Variants in CRYBG1 observed in about 807,000 individuals in gnomAD.
The protein encoded by CRYBG1 is beta/gamma crystallin domain-containing protein 1.
Under a neutral mutation model 189.2 loss-of-function variants are expected in CRYBG1, and 139 were observed. That is an observed-to-expected ratio of 0.73 (90% CI 0.64 to 0.85). The LOEUF (loss-of-function observed/expected upper bound fraction) is 0.85. Among genes scored for constraint, CRYBG1 ranks in the 40% least tolerant of loss-of-function variants. The probability of loss-of-function intolerance (pLI) is 0.00; values close to 1 mark genes in which losing one functional copy is unlikely to be tolerated. For synonymous variants in CRYBG1, 1,023 were observed against 1,017.1 expected (o/e 1.01, Z -0.11); for missense variants, 2,611 against 2,675.8 (o/e 0.98, Z 0.53).
intron 1 of CRYBG1, among the ~76,000 whole-genome samples, chr6:106,378,423 T>A (rs910566072): frequency 3.9e-5 from 6 of 152,192 alleles, no homozygotes; most frequent in African/African-American, 1.2e-4. Flanking sequence ...CAGGGCTCGG[T>A]CCTCGGCACT....
At chr6:106,371,096 G>A (rs1770016287) in intron 1 of CRYBG1, among the ~76,000 whole-genome samples, 1 of 152,162 alleles carries the variant, frequency 6.6e-6, no homozygotes, top group African/African-American at 2.4e-5. Context: ...GTCACTTAAA[G>A]TGATAGAGCC....
At chr6:106,553,020 T>C (rs1315729679) in intron 15 of CRYBG1, among the ~76,000 whole-genome samples, 4 of 152,238 alleles carry the variant, frequency 2.6e-5, no homozygotes, top group African/African-American at 7.2e-5. Flanking sequence ...AACACCACTA[T>C]AGCCTCCTTT....
chr6:106,418,387 C>T (rs574024452), intron 1 of CRYBG1, among the ~76,000 whole-genome samples: 17 of 152,364 alleles, frequency 1.1e-4, no homozygotes, highest in African/African-American at 3.8e-4. Context: ...TCTGATCTTT[C>T]AGGCTTCAGG....
At chr6:106,550,255 C>A (rs988416728) in intron 13 of CRYBG1, among the ~76,000 whole-genome samples, 5 of 152,114 alleles carry the variant, frequency 3.3e-5, no homozygotes, top group Admixed American at 1.3e-4. Flanking sequence ...ACACCAATAC[C>A]TCCCTAGGAG....
Position 106,541,621 on chromosome 6 carries a change from G to A in CRYBG1, c.4881G>A (p.Lys1627=). 4 of 1,600,476 alleles carry A rather than the reference G, an allele frequency of 2.5e-6. No homozygotes were observed. The highest frequency in any genetic ancestry group is 3.4e-6 in the Non-Finnish European group (4 of 1,169,114). Residue 1627 remains lysine (K), a splice_region_variant and synonymous_variant, in exon 10 of 22, where the codon AAG becomes AAA. Transcript: ENST00000633556. ...GRKVEFPTDP[K]VVVYEKPFFE... The stretch of plus-strand genomic sequence containing the variant: ...AAGTTGAATTCCCTACAGATCCAAA[G>A]GTAAAAATATATATGTATTTTTGTA...
intron 8 of CRYBG1, among the ~76,000 whole-genome samples, chr6:106,538,580 G>A (rs1774056597): frequency 6.6e-6 from 1 of 152,106 alleles, no homozygotes; most frequent in Admixed American, 6.6e-5. Context: ...TTCCTGCAAT[G>A]AGAAAAATTG....
chr6:106,370,679 G>A (rs1377398547), intron 1 of CRYBG1, among the ~76,000 whole-genome samples: 1 of 152,184 alleles, frequency 6.6e-6, no homozygotes, highest in African/African-American at 2.4e-5. Context: ...TGAAGTTCAT[G>A]GAAGGTAATG....
intron 1 of CRYBG1, among the ~76,000 whole-genome samples, chr6:106,383,801 A>G (rs898941551): frequency 2.6e-5 from 4 of 152,166 alleles, no homozygotes; most frequent in Admixed American, 2.6e-4. Context: ...TTCATATGCA[A>G]TCTCCTAAGT....
At chr6:106,550,331 T>C (rs937813835) in intron 13 of CRYBG1, among the ~76,000 whole-genome samples, 2 of 152,222 alleles carry the variant, frequency 1.3e-5, no homozygotes, top group African/African-American at 4.8e-5. Flanking sequence ...AATACATACA[T>C]AGATATTATT....
intron 2 of CRYBG1, among the ~76,000 whole-genome samples, chr6:106,463,145 C>G (rs1415035472): frequency 6.6e-6 from 1 of 151,976 alleles, no homozygotes; most frequent in Non-Finnish European, 1.5e-5. Flanking sequence ...TAGAGAAAGA[C>G]CCTGTCTCTA....
In CRYBG1 at chr6:106,520,445, T is replaced by C. The variant is rs756548400; in HGVS notation, c.3237T>C (p.Asn1079=). Residue 1079 remains asparagine, a synonymous_variant, in exon 4 of 22, where the codon AAT becomes AAC. Coordinates refer to ENST00000633556, the MANE Select transcript of CRYBG1 (RefSeq NM_001371242.2). Reference sequence around the variant, plus strand: ...AAAGGCCAGATCAGACTGTTACAAATGGCCAGGATAGCCCTGCCAGCCTTT... The same window carrying C: ...AAAGGCCAGATCAGACTGTTACAAACGGCCAGGATAGCCCTGCCAGCCTTT... The part of the protein sequence containing the change: ...TPQRPDQTVT[N]GQDSPASLLN... 15 of 1,614,064 alleles carry C rather than the reference T, an allele frequency of 9.3e-6. No individual in the cohort carries two copies. The highest frequency in any genetic ancestry group is 6.7e-5 in the Admixed American group (4 of 59,996).
At chr6:106,455,172 G>A (rs1445115999) in intron 2 of CRYBG1, among the ~76,000 whole-genome samples, 2 of 152,010 alleles carry the variant, frequency 1.3e-5, no homozygotes, top group Admixed American at 6.5e-5. Flanking sequence ...AGCGTAGAAG[G>A]TATGTTTATT....
At chr6:106,486,594 A>T (rs907735261) in intron 2 of CRYBG1, among the ~76,000 whole-genome samples, 12 of 152,142 alleles carry the variant, frequency 7.9e-5, no homozygotes, top group Non-Finnish European at 1.5e-5. Flanking sequence ...TTTGCTTTAT[A>T]TATTTGCTCT....
intron 1 of CRYBG1, among the ~76,000 whole-genome samples, chr6:106,361,950 T>TC (rs1318609870): frequency 6.8e-5 from 9 of 131,604 alleles, no homozygotes; most frequent in East Asian, 2.2e-4. Context: ...GACATGGTTT[T>TC]CCTTTTATTT....
intron 8 of CRYBG1, among the ~76,000 whole-genome samples, chr6:106,534,094 G>T (rs1295777663): frequency 6.6e-6 from 1 of 152,110 alleles, no homozygotes; most frequent in East Asian, 1.9e-4. Context: ...TTGGTGTCAG[G>T]TTGAGAAACA....
intron 1 of CRYBG1, among the ~76,000 whole-genome samples, chr6:106,440,907 T>G (rs1052381843): frequency 6.6e-6 from 1 of 152,248 alleles, no homozygotes; most frequent in Non-Finnish European, 1.5e-5. Flanking sequence ...TATTGCTTTC[T>G]TTTTCTTTTT....
chr6:106,453,184 AT>A (rs1409686708), intron 2 of CRYBG1, among the ~76,000 whole-genome samples: 1 of 152,184 alleles, frequency 6.6e-6, no homozygotes, highest in Admixed American at 6.5e-5. Flanking sequence ...TGTTATGTGT[AT>A]TTTACCACAA....
At chr6:106,363,243 CAAAAAAA>C (rs57040798) in intron 1 of CRYBG1, among the ~76,000 whole-genome samples, 22 of 111,120 alleles carry the variant, frequency 2.0e-4, no homozygotes, top group South Asian at 1.5e-3. Flanking sequence ...AACTCCGTCT[CAAAAAAA>C]AAAAAAAAAA....
At chr6:106,403,373 C>T (rs1582743431) in intron 1 of CRYBG1, among the ~76,000 whole-genome samples, 1 of 150,554 alleles carries the variant, frequency 6.6e-6, no homozygotes, top group Admixed American at 6.6e-5. Flanking sequence ...GTGACTGGAA[C>T]ACAGAGAGCA....
Sources: gnomAD v4.1 joint callset for allele counts (sites outside exome capture counted in the v4.1 genomes callset) on GRCh38, gnomAD v4.1.1 for gene constraint, MANE v1.5 for transcripts, NCBI Gene and HGNC (gene_info 2026-07-23, HGNC 2026-07-21) for gene names.